Variants in DCX observed in about 807,000 individuals in gnomAD.
DCX encodes doublecortin, also known as neuronal migration protein doublecortin.
DCX carries 4 observed loss-of-function variants against 20.9 expected under a neutral mutation model. The observed-to-expected ratio is 0.19, with a 90% CI of 0.09 to 0.44. DCX has a LOEUF of 0.44. DCX is among the 20% of genes least tolerant of loss of function. The pLI is 0.99. For synonymous variants in DCX, 103 were observed against 111.4 expected, an observed-to-expected ratio of 0.92 and a Z score of 0.47; for missense variants, 133 against 296.9, an observed-to-expected ratio of 0.45 and a Z score of 4.06.
chrX:111,376,622 C>G (rs1005399108), intron 3 of DCX, among the ~76,000 whole-genome samples: 4 of 111,518 alleles, frequency 3.6e-5, no homozygotes, highest in African/African-American at 1.3e-4. Context: ...GAGTTTGCAT[C>G]AGGAATTACC....
intron 3 of DCX, among the ~76,000 whole-genome samples, chrX:111,337,193 C>A (rs962927914): frequency 1.8e-5 from 2 of 111,889 alleles, no homozygotes; most frequent in Non-Finnish European, 3.8e-5. Context: ...ATATCACTTA[C>A]AGCATTACAG....
chrX:111,359,141 G>A (rs766238258), intron 3 of DCX, among the ~76,000 whole-genome samples: 1 of 110,858 alleles, frequency 9.0e-6, no homozygotes, highest in South Asian at 3.8e-4. Context: ...AAGTGAAGAC[G>A]TAACAGTAAA....
At chrX:111,394,119 T>C (rs1927153513) in intron 3 of DCX, among the ~76,000 whole-genome samples, 1 of 112,055 alleles carries the variant, frequency 8.9e-6, no homozygotes, top group Non-Finnish European at 1.9e-5. Context: ...AATGACTAAA[T>C]ACAGTGTGGT....
At chrX:111,350,595 T>A (rs1256184047) in intron 3 of DCX, among the ~76,000 whole-genome samples, 1 of 111,893 alleles carries the variant, frequency 8.9e-6, no homozygotes, top group Non-Finnish European at 1.9e-5. Flanking sequence ...TTCCACTATA[T>A]CATGTTATCT....
chrX:111,376,452 C>A (rs912402392), intron 3 of DCX, among the ~76,000 whole-genome samples: 8 of 111,953 alleles, frequency 7.1e-5, no homozygotes, highest in Non-Finnish European at 1.3e-4. Context: ...CCAAAAAGAA[C>A]TAATTATGAA....
intron 5 of DCX, among the ~76,000 whole-genome samples, chrX:111,326,333 TATTTTGTCCTTTTA>T (rs2095099492): frequency 1.8e-5 from 2 of 111,903 alleles, no homozygotes; most frequent in South Asian, 7.5e-4. Flanking sequence ...AGCAACTAGC[TATTTTGTCCTTTTA>T]ATTCAATTCA....
At chrX:111,358,645 A>G (rs1179630251) in intron 3 of DCX, among the ~76,000 whole-genome samples, 2 of 112,141 alleles carry the variant, frequency 1.8e-5, no homozygotes, top group Non-Finnish European at 3.8e-5. Context: ...ACAAAAAATG[A>G]GGTATAAAGT....
chrX:111,394,467 A>G (rs1450768215), intron 3 of DCX, among the ~76,000 whole-genome samples: 1 of 112,396 alleles, frequency 8.9e-6, no homozygotes, highest in Non-Finnish European at 1.9e-5. Context: ...AATTTTATAC[A>G]TAAGATGAGT....
chrX:111,407,138 G>C (rs1928268613), intron 2 of DCX, among the ~76,000 whole-genome samples: 1 of 111,623 alleles, frequency 9.0e-6, no homozygotes. Flanking sequence ...TATATCTACT[G>C]TCTTATTTAA....
Position 111,361,567 on chromosome X carries a change from A to G in DCX, c.706-28414T>C, listed in dbSNP as rs187677138. ...CTCCTAAACTGTTACCATTATTTCAATATTAGGTCTATTGGGAACTATCTC... is the reference window on the plus strand; with the variant it reads ...CTCCTAAACTGTTACCATTATTTCAGTATTAGGTCTATTGGGAACTATCTC... On this transcript the variant is annotated intron_variant, in intron 3 of 6. Transcript: ENST00000636035. 1.4e-3 allele frequency among the ~76,000 whole-genome samples: 160 copies of G among 112,433 alleles called. 1 individual carries two copies. Among genetic ancestry groups the G allele is most frequent in the African/African-American group, 5.0e-3 (154 of 30,992 alleles).
intron 3 of DCX, among the ~76,000 whole-genome samples, chrX:111,395,449 G>A (rs1927253057): frequency 8.9e-6 from 1 of 112,129 alleles, no homozygotes; most frequent in Admixed American, 9.5e-5. Flanking sequence ...AAAACTCTAA[G>A]AGGATAAATT....
At chrX:111,311,127 C>A (rs756664386) in intron 6 of DCX, among the ~76,000 whole-genome samples, 1 of 112,383 alleles carries the variant, frequency 8.9e-6, no homozygotes, top group Non-Finnish European at 1.9e-5. Context: ...TATTTACAAG[C>A]TTTACTGCTC....
At chrX:111,324,477 T>C (rs895669643) in intron 5 of DCX, among the ~76,000 whole-genome samples, 1 of 111,968 alleles carries the variant, frequency 8.9e-6, no homozygotes, top group Non-Finnish European at 1.9e-5. Context: ...GTTAAAATTG[T>C]GGACTGTGGA....
chrX:111,411,154 G>T (rs1018651691), intron 1 of DCX: 1 of 441,646 alleles, frequency 2.3e-6, no homozygotes, highest in Non-Finnish European at 4.0e-6. Context: ...AAGCTGGGGG[G>T]AAAAAGGATT....
intron 6 of DCX, among the ~76,000 whole-genome samples, chrX:111,303,363 G>C (rs920836046): frequency 1.8e-5 from 2 of 109,500 alleles, no homozygotes; most frequent in African/African-American, 6.7e-5. Flanking sequence ...CACTGCTTTT[G>C]TATCATAAGG....
intron 5 of DCX, among the ~76,000 whole-genome samples, chrX:111,327,263 T>C (rs1333615228): frequency 1.8e-5 from 2 of 112,086 alleles, no homozygotes; most frequent in Non-Finnish European, 3.8e-5. Context: ...TAACACAGGA[T>C]GGAAACAGGG....
intron 3 of DCX, among the ~76,000 whole-genome samples, chrX:111,372,887 C>T (rs926850411): frequency 1.8e-5 from 2 of 111,089 alleles, no homozygotes; most frequent in Non-Finnish European, 1.9e-5. Flanking sequence ...TTTGTGGCTC[C>T]GTTGGAATAT....
At chrX:111,311,696 C>T (rs1001552168) in intron 6 of DCX, among the ~76,000 whole-genome samples, 2 of 112,249 alleles carry the variant, frequency 1.8e-5, no homozygotes, top group Admixed American at 9.4e-5. Flanking sequence ...TCTCAATTTC[C>T]TCATCTGTAA....
At chrX:111,368,556 G>A (rs1330808065) in intron 3 of DCX, among the ~76,000 whole-genome samples, 1 of 111,334 alleles carries the variant, frequency 9.0e-6, no homozygotes, top group Non-Finnish European at 1.9e-5. Context: ...AAGCAAAGAA[G>A]CAAATGTTGA....
Sources: allele counts gnomAD v4.1 joint callset (sites outside exome capture counted in the v4.1 genomes callset), GRCh38; gene constraint gnomAD v4.1.1; transcripts MANE v1.5; gene names NCBI Gene and HGNC (gene_info 2026-07-23, HGNC 2026-07-21).